The following GABRB1 variants were observed in gnomAD, a reference collection of about 807,000 sequenced individuals.
GABRB1 encodes gamma-aminobutyric acid receptor subunit beta-1.
GABRB1 carries 17 observed loss-of-function variants against 51.6 expected under a neutral mutation model. The observed-to-expected ratio is 0.33, with a 90% CI of 0.23 to 0.49. The LOEUF (loss-of-function observed/expected upper bound fraction) is 0.49, where lower values mean the gene tolerates loss of function less well. Among genes scored for constraint, GABRB1 ranks in the 20% least tolerant of loss-of-function variants. The probability of loss-of-function intolerance (pLI) is 0.99; values close to 1 mark genes in which losing one functional copy is unlikely to be tolerated. For missense variants in GABRB1, 410 were observed against 600.6 expected (o/e 0.68, Z 3.32); for synonymous variants, 247 against 218.9 (o/e 1.13, Z -1.14).
At chr4:47,063,949 G>C (rs1726947544) in intron 3 of GABRB1, among the ~76,000 whole-genome samples, 1 of 152,130 alleles carries the variant, frequency 6.6e-6, no homozygotes, top group Non-Finnish European at 1.5e-5. Context: ...TTAATACCTA[G>C]GTACTGGGTT....
intron 4 of GABRB1, among the ~76,000 whole-genome samples, chr4:47,286,609 G>A (rs1358474563): frequency 6.6e-6 from 1 of 151,994 alleles, no homozygotes. Flanking sequence ...ATAAAAAACT[G>A]TATAAAACCT....
Position 47,335,752 on chromosome 4 carries a change from C to A in GABRB1, c.544+15543C>A, listed in dbSNP as rs559635721. ...ATGAATAATAATGCTATGATGATAG[C>A]ATGACTAGAAGTAGCAAAAACTAAA... On this transcript the variant is annotated intron_variant, in intron 5 of 8. Transcript: ENST00000295454. 5.8e-4 allele frequency among the ~76,000 whole-genome samples: 88 copies of A among 152,184 alleles called. 1 individual carries two copies. Among genetic ancestry groups the A allele is most frequent in the African/African-American group, 1.9e-3 (80 of 41,520 alleles).
chr4:47,066,595 A>G (rs1437100092), intron 3 of GABRB1, among the ~76,000 whole-genome samples: 1 of 152,244 alleles, frequency 6.6e-6, no homozygotes, highest in Non-Finnish European at 1.5e-5. Flanking sequence ...ATCTAAAACA[A>G]AACACTTTAT....
chr4:47,300,470 C>G (rs1229468834), intron 4 of GABRB1, among the ~76,000 whole-genome samples: 1 of 151,954 alleles, frequency 6.6e-6, no homozygotes. Context: ...TTATATTTTT[C>G]ATAATCTTAA....
In GABRB1 at chr4:47,351,494, A is replaced by G. The variant is rs544511664; in HGVS notation, c.544+31285A>G. ...TACATATGTGTACATGTGCCATGCTAGTGTGCTGCACCCATTAACTTGTCA... is the reference window on the plus strand; with the variant it reads ...TACATATGTGTACATGTGCCATGCTGGTGTGCTGCACCCATTAACTTGTCA... On this transcript the variant is annotated intron_variant, in intron 5 of 8. Coordinates refer to ENST00000295454, the MANE Select transcript of GABRB1 (RefSeq NM_000812.4). Among the ~76,000 whole-genome samples, 293 of 151,648 alleles carry G rather than the reference A, an allele frequency of 1.9e-3. 1 individual carries two copies. Among genetic ancestry groups the G allele is most frequent in the African/African-American group, 6.6e-3 (271 of 41,352 alleles).
intron 4 of GABRB1, among the ~76,000 whole-genome samples, chr4:47,249,438 A>T (rs946570699): frequency 3.9e-5 from 6 of 152,156 alleles, no homozygotes; most frequent in Non-Finnish European, 7.4e-5. Context: ...CATGTGGTCT[A>T]TCTTGGAAAA....
intron 3 of GABRB1, among the ~76,000 whole-genome samples, chr4:47,102,061 G>A (rs1714748144): frequency 6.6e-6 from 1 of 151,910 alleles, no homozygotes; most frequent in Non-Finnish European, 1.5e-5. Context: ...TTTAGAAACT[G>A]AAAAATGAAA....
chr4:47,022,097 C>A (rs1724943988), intron 1 of GABRB1, among the ~76,000 whole-genome samples: 1 of 151,984 alleles, frequency 6.6e-6, no homozygotes, highest in South Asian at 2.1e-4. Flanking sequence ...TTTATTTTAA[C>A]AATTGCTTTA....
intron 4 of GABRB1, among the ~76,000 whole-genome samples, chr4:47,195,477 AGATAG>A (rs1214773126): frequency 3.4e-5 from 3 of 88,002 alleles, no homozygotes; most frequent in Non-Finnish European, 7.6e-5. Flanking sequence ...ATAGATAGAT[AGATAG>A]ATAGATAGAT....
intron 4 of GABRB1, among the ~76,000 whole-genome samples, chr4:47,188,502 G>A (rs1719286969): frequency 6.6e-6 from 1 of 151,872 alleles, no homozygotes; most frequent in Admixed American, 6.6e-5. Context: ...TTGTTAGACT[G>A]CAATCAATAG....
chr4:47,210,722 C>T (rs927270534), intron 4 of GABRB1, among the ~76,000 whole-genome samples: 3 of 152,228 alleles, frequency 2.0e-5, no homozygotes, highest in Admixed American at 2.0e-4. Context: ...TTTGTGGAGA[C>T]TTTCCTATGA....
At chr4:47,117,515 A>G (rs952045317) in intron 3 of GABRB1, among the ~76,000 whole-genome samples, 14 of 151,942 alleles carry the variant, frequency 9.2e-5, no homozygotes, top group Non-Finnish European at 1.8e-4. Context: ...TCCCATTTCA[A>G]CTCTCAAACT....
intron 4 of GABRB1, among the ~76,000 whole-genome samples, chr4:47,260,127 A>G (rs1578042904): frequency 6.6e-6 from 1 of 152,102 alleles, no homozygotes; most frequent in Admixed American, 6.5e-5. Context: ...AGTCTGTTTT[A>G]TCAGAGGCTA....
At chr4:47,073,523 C>G (rs1727428709) in intron 3 of GABRB1, among the ~76,000 whole-genome samples, 1 of 152,076 alleles carries the variant, frequency 6.6e-6, no homozygotes, top group African/African-American at 2.4e-5. Flanking sequence ...TAGATGTAAG[C>G]CCAGTAAGAG....
At chr4:47,372,959 C>A (rs1412131474) in intron 5 of GABRB1, among the ~76,000 whole-genome samples, 1 of 152,194 alleles carries the variant, frequency 6.6e-6, no homozygotes, top group African/African-American at 2.4e-5. Context: ...GTCACCAAAC[C>A]TCTTTCTGCT....
intron 5 of GABRB1, among the ~76,000 whole-genome samples, chr4:47,339,742 G>C (rs1725816674): frequency 6.6e-6 from 1 of 151,196 alleles, no homozygotes; most frequent in South Asian, 2.1e-4. Flanking sequence ...TGGGCTATAT[G>C]AGTTAAAAAT....
At chr4:47,378,785 C>T (rs1285314408) in intron 5 of GABRB1, among the ~76,000 whole-genome samples, 6 of 149,904 alleles carry the variant, frequency 4.0e-5, no homozygotes, top group African/African-American at 1.5e-4. Context: ...TGCTCCCGGC[C>T]GGAGTTTTTT....
intron 1 of GABRB1, among the ~76,000 whole-genome samples, chr4:47,011,675 A>G (rs1560495280): frequency 6.6e-6 from 1 of 152,122 alleles, no homozygotes; most frequent in Non-Finnish European, 1.5e-5. Context: ...TATAGTTTCA[A>G]TCTTAGGGTA....
intron 3 of GABRB1, among the ~76,000 whole-genome samples, chr4:47,122,514 A>G (rs757210883): frequency 3.9e-5 from 6 of 152,188 alleles, no homozygotes; most frequent in Non-Finnish European, 8.8e-5. Flanking sequence ...CATATCATGG[A>G]AGCACCAACT....
Sources: gnomAD v4.1 joint callset for allele counts (sites outside exome capture counted in the v4.1 genomes callset) on GRCh38, gnomAD v4.1.1 for gene constraint, MANE v1.5 for transcripts, NCBI Gene and HGNC (gene_info 2026-07-23, HGNC 2026-07-21) for gene names.